The following AR variants were observed in gnomAD, a reference collection of about 807,000 sequenced individuals.
AR encodes the protein androgen receptor.
A neutral mutation model predicts 53.9 loss-of-function variants in AR; 8 were observed. That is an observed-to-expected ratio of 0.15 (90% confidence interval 0.09 to 0.27). The LOEUF (loss-of-function observed/expected upper bound fraction) is 0.27. Ranked by LOEUF, AR falls within the 10% of genes least tolerant of loss-of-function variation. AR has a pLI of 1.00. For missense variants in AR, 639 were observed against 742.5 expected, an observed-to-expected ratio of 0.86 and a Z score of 1.62; for synonymous variants, 359 against 316.4, an observed-to-expected ratio of 1.13 and a Z score of -1.43.
At chrX:67,721,349 G>A (rs769090310) in intron 5 of AR, among the ~76,000 whole-genome samples, 3 of 112,021 alleles carry the variant, frequency 2.7e-5, no homozygotes, top group Non-Finnish European at 5.6e-5. Flanking sequence ...CAAACACTTC[G>A]GGTCATTTGC....
intron 2 of AR, among the ~76,000 whole-genome samples, chrX:67,674,837 T>G (rs2075889815): frequency 9.0e-6 from 1 of 111,474 alleles, no homozygotes; most frequent in African/African-American, 3.3e-5. Flanking sequence ...CAAAGTCCTC[T>G]TTACTCTTCC....
At chrX:67,568,087 A>G (rs952474570) in intron 1 of AR, among the ~76,000 whole-genome samples, 1 of 111,298 alleles carries the variant, frequency 9.0e-6, no homozygotes, top group Non-Finnish European at 1.9e-5. Context: ...CCATACCACA[A>G]AGCCCTCTTA....
At chrX:67,723,354 C>CAG (rs373151625) in intron 7 of AR, among the ~76,000 whole-genome samples, 4,306 of 48,958 alleles carry the variant, frequency 0.088, 173 homozygotes, top group African/African-American at 0.18. Flanking sequence ...GTGTGTGTGT[C>CAG]AGAGAGAGAG....
intron 3 of AR, among the ~76,000 whole-genome samples, chrX:67,707,839 T>G (rs1175739649): frequency 8.9e-6 from 1 of 111,756 alleles, no homozygotes; most frequent in African/African-American, 3.3e-5. Flanking sequence ...GCAGGCCTGG[T>G]GGTGACAAAA....
At chrX:67,581,770 G>A (rs1257346267) in intron 1 of AR, among the ~76,000 whole-genome samples, 2 of 111,658 alleles carry the variant, frequency 1.8e-5, no homozygotes, top group African/African-American at 6.5e-5. Context: ...TGGATGGAAG[G>A]TATGTGAGAA....
At chrX:67,563,214 G>T (rs1268326039) in intron 1 of AR, among the ~76,000 whole-genome samples, 1 of 111,472 alleles carries the variant, frequency 9.0e-6, no homozygotes, top group Non-Finnish European at 1.9e-5. Context: ...AAGGGCCTTC[G>T]GGAAAGAAGC....
At chrX:67,560,092 G>A (rs1201014766) in intron 1 of AR, among the ~76,000 whole-genome samples, 1 of 111,642 alleles carries the variant, frequency 9.0e-6, no homozygotes, top group Non-Finnish European at 1.9e-5. Context: ...CTGGGCTTCA[G>A]TGAGGTGCTA....
Position 67,716,832 on chromosome X carries a change from G to T in AR, c.2174-646G>T, listed in dbSNP as rs369270931. Among the ~76,000 whole-genome samples, 19 of 111,877 alleles carry T rather than the reference G, an allele frequency of 1.7e-4. 1 individual carries two copies. The highest frequency in any genetic ancestry group is 1.4e-3 in the Admixed American group (15 of 10,578). On this transcript the variant is annotated intron_variant, in intron 4 of 7. Transcript: ENST00000374690. ...TTGTGAAGTGAAAACTGCTGTTTAT[G>T]TGGGGGAAATGATTGTTAAACTGCA...
At chrX:67,663,277 C>T (rs758926130) in intron 2 of AR, among the ~76,000 whole-genome samples, 157 of 111,978 alleles carry the variant, frequency 1.4e-3, no homozygotes, top group Non-Finnish European at 2.5e-3. Flanking sequence ...TGTTCCTTTC[C>T]ATGTTTAGTG....
intron 3 of AR, among the ~76,000 whole-genome samples, chrX:67,698,536 C>CT: frequency 8.9e-6 from 1 of 112,693 alleles, no homozygotes; most frequent in East Asian, 2.8e-4. Flanking sequence ...GAGTTTATGA[C>CT]TTTTAGATTT....
intron 1 of AR, among the ~76,000 whole-genome samples, chrX:67,627,864 G>GT (rs1002588457): frequency 8.9e-6 from 1 of 111,866 alleles, no homozygotes; most frequent in African/African-American, 3.2e-5. Context: ...TGGCTAGCCA[G>GT]TTTTTCCAGC....
Position 67,544,991 on chromosome X carries a change from G to A in AR, c.-156G>A. The A allele has an allele frequency of 3.6e-6, 3 of 841,455 alleles. No individual in the cohort carries two copies. The highest frequency in any genetic ancestry group is 3.2e-6 in the Non-Finnish European group (2 of 617,402). The allele number at this position is 841,455 out of a possible 1,213,427, so 69.3% of individuals were successfully genotyped here. A position where few individuals can be genotyped will look rare whatever the true frequency, so the allele number is the denominator to read the frequency against. On this transcript the variant is annotated 5_prime_UTR_variant, in exon 1 of 8. It adds an upstream start codon to the 5' untranslated region. Coordinates refer to ENST00000374690, the MANE Select transcript of AR (RefSeq NM_000044.6). ...TTGAGGCTGTCAGAGCGCTTTTTGC[G>A]TGGTTGCTCCCGCAAGTTTCCTTCT... is the stretch of plus-strand genomic sequence containing the variant.
intron 1 of AR, among the ~76,000 whole-genome samples, chrX:67,612,285 T>C (rs957288015): frequency 8.9e-6 from 1 of 112,163 alleles, no homozygotes; most frequent in African/African-American, 3.2e-5. Context: ...TTTTAAACTG[T>C]TTGGGACTTC....
intron 1 of AR, among the ~76,000 whole-genome samples, chrX:67,554,997 G>A (rs1930136518): frequency 9.1e-6 from 1 of 109,851 alleles, no homozygotes; most frequent in Non-Finnish European, 1.9e-5. Context: ...GCTAGGAAGA[G>A]ATAAGGTGAA....
At chrX:67,672,500 T>G (rs946500581) in intron 2 of AR, among the ~76,000 whole-genome samples, 2 of 111,158 alleles carry the variant, frequency 1.8e-5, no homozygotes, top group African/African-American at 3.3e-5. Context: ...TTATTTTTTT[T>G]TGTGTGTATT....
rs2076168726 is a variant in AR at position 67,728,651 on chromosome X, T to C, written c.*4810T>C. ...GTGTTCTGATAGCTTTAACTTTCTCTGCATCTTTATATTTGGTTCCAGATC... is the reference window on the plus strand; with the variant it reads ...GTGTTCTGATAGCTTTAACTTTCTCCGCATCTTTATATTTGGTTCCAGATC... On this transcript the variant is annotated 3_prime_UTR_variant, in exon 8 of 8. Transcript: ENST00000374690. 8.7e-6 allele frequency: 1 copy of C among 114,990 alleles called. No individual in the cohort carries two copies. The highest frequency in any genetic ancestry group is 3.7e-5 in the African/African-American group (1 of 26,943). The allele number at this position is 114,990 out of a possible 1,213,427, so 9.5% of individuals were successfully genotyped here.
At chrX:67,706,375 G>C (rs1176989734) in intron 3 of AR, among the ~76,000 whole-genome samples, 1 of 111,645 alleles carries the variant, frequency 9.0e-6, no homozygotes, top group Non-Finnish European at 1.9e-5. Flanking sequence ...TTTAGTCTTG[G>C]GAGGGTGTAT....
At chrX:67,593,668 G>T (rs887558085) in intron 1 of AR, among the ~76,000 whole-genome samples, 3 of 112,175 alleles carry the variant, frequency 2.7e-5, no homozygotes, top group African/African-American at 6.5e-5. Flanking sequence ...GTTTTCTTAA[G>T]TGCTTTCTTA....
intron 1 of AR, among the ~76,000 whole-genome samples, chrX:67,558,830 TATTA>T (rs1921170612): frequency 1.8e-5 from 2 of 112,364 alleles, no homozygotes; most frequent in African/African-American, 6.5e-5. Flanking sequence ...ATTTTACATG[TATTA>T]ATTCATTTAA....
Sources: gnomAD v4.1 joint callset for allele counts (sites outside exome capture counted in the v4.1 genomes callset) on GRCh38, gnomAD v4.1.1 for gene constraint, MANE v1.5 for transcripts, NCBI Gene and HGNC (gene_info 2026-07-23, HGNC 2026-07-21) for gene names.